Variants in PKD1L3 observed in about 807,000 individuals in gnomAD.
PKD1L3 encodes the protein polycystin 1 like 3, transient receptor potential channel interacting.
PKD1L3 carries 239 observed loss-of-function variants against 184.1 expected under a neutral mutation model. The observed-to-expected ratio is 1.30, with a 90% CI of 1.17 to 1.45. PKD1L3 has a LOEUF of 1.45. PKD1L3 is among the 40% of genes most tolerant of loss of function. The probability of loss-of-function intolerance (pLI) is 0.00; values close to 1 mark genes in which losing one functional copy is unlikely to be tolerated. For missense variants in PKD1L3, 2,660 were observed against 2,067.2 expected (o/e 1.29, Z -5.56); for synonymous variants, 996 against 778.8 (o/e 1.28, Z -4.64).
intron 23 of PKD1L3, among the ~76,000 whole-genome samples, chr16:71,943,291 C>A (rs1168110998): frequency 6.6e-6 from 1 of 152,048 alleles, no homozygotes; most frequent in Non-Finnish European, 1.5e-5. Context: ...AATCCTAGCA[C>A]TTTGGGAAGC....
chr16:71,949,572 C>T (rs1021751352), intron 21 of PKD1L3, among the ~76,000 whole-genome samples: 2 of 151,976 alleles, frequency 1.3e-5, no homozygotes, highest in East Asian at 1.9e-4. Flanking sequence ...AGGCTGGTCT[C>T]GAACACCTGG....
At position 71,998,254 on chromosome 16, in the gene PKD1L3, T is replaced by C. The variant is rs1253222991; in HGVS notation, c.418+18A>G. On this transcript the variant is annotated intron_variant, in intron 2 of 29. Transcript: ENST00000620267. ...TCTAAAATTTGGGTCTTTGGCAGCATGTAGCTTTATCACTTACCAGTCTGG... is the reference window on the plus strand; with the variant it reads ...TCTAAAATTTGGGTCTTTGGCAGCACGTAGCTTTATCACTTACCAGTCTGG... 2 of 1,551,458 alleles carry C rather than the reference T, an allele frequency of 1.3e-6. No individual in the cohort carries two copies. The highest frequency in any genetic ancestry group is 2.7e-5 in the African/African-American group (2 of 73,028).
At chr16:71,983,651 C>T (rs1024191489) in intron 6 of PKD1L3, among the ~76,000 whole-genome samples, 9 of 134,468 alleles carry the variant, frequency 6.7e-5, no homozygotes, top group African/African-American at 2.2e-4. Context: ...GCACAATCTC[C>T]AGATTCTCTT....
chr16:71,974,546 G>C (rs2039846320), intron 11 of PKD1L3, among the ~76,000 whole-genome samples: 2 of 152,126 alleles, frequency 1.3e-5, no homozygotes, highest in Non-Finnish European at 2.9e-5. Context: ...GCCAGGCATG[G>C]TGGCATATGC....
intron 24 of PKD1L3, among the ~76,000 whole-genome samples, chr16:71,941,189 T>C (rs2038348132): frequency 6.6e-6 from 1 of 151,904 alleles, no homozygotes; most frequent in Non-Finnish European, 1.5e-5. Context: ...TGCTGAAAAC[T>C]GTAGATCAAA....
chr16:71,996,484 T>A (rs1273542712), intron 2 of PKD1L3, among the ~76,000 whole-genome samples: 1 of 151,984 alleles, frequency 6.6e-6, no homozygotes, highest in East Asian at 1.9e-4. Context: ...ATGGTCTCAA[T>A]CTCTTTACCT....
intron 15 of PKD1L3, among the ~76,000 whole-genome samples, chr16:71,965,948 G>A (rs2039487108): frequency 6.6e-6 from 1 of 152,146 alleles, no homozygotes; most frequent in South Asian, 2.1e-4. Flanking sequence ...ATCTTTTCAA[G>A]TGCTTACTAT....
At chr16:71,971,015 A>T (rs967860361) in intron 12 of PKD1L3, among the ~76,000 whole-genome samples, 4 of 152,126 alleles carry the variant, frequency 2.6e-5, no homozygotes, top group African/African-American at 9.7e-5. Flanking sequence ...TCATGAGGCG[A>T]TTGTCTTGTT....
At position 71,990,338 on chromosome 16, in the gene PKD1L3, A is replaced by G; in HGVS notation, c.536-9T>C. 1 of 1,543,620 alleles carries G rather than the reference A, an allele frequency of 6.5e-7. No homozygotes were observed. Among genetic ancestry groups the G allele is most frequent in the Non-Finnish European group, 8.8e-7 (1 of 1,140,800 alleles). On this transcript the variant is annotated splice_polypyrimidine_tract_variant and intron_variant, in intron 3 of 29. Coordinates refer to ENST00000620267, the MANE Select transcript of PKD1L3 (RefSeq NM_181536.2). The stretch of plus-strand genomic sequence containing the variant: ...TGGAAGATGACCAGGTCCTATAGAA[A>G]AAAGAAAGCAGACTAAGTTCAAGTA...
At chr16:71,948,683 A>C (rs11861316) in intron 21 of PKD1L3, among the ~76,000 whole-genome samples, 7,271 of 152,016 alleles carry the variant, frequency 0.048, 554 homozygotes, top group African/African-American at 0.17. Context: ...TGCCATTATT[A>C]AAACAAAAAT....
At chr16:71,984,544 G>T (rs185124529) in intron 5 of PKD1L3, among the ~76,000 whole-genome samples, 1 of 152,294 alleles carries the variant, frequency 6.6e-6, no homozygotes, top group Admixed American at 6.5e-5. Flanking sequence ...TTCCCTGTGT[G>T]TGTGTTTCCC....
chr16:71,980,163 T>C, intron 7 of PKD1L3, 29 bp from the exon 8 acceptor site: 2 of 1,547,318 alleles, frequency 1.3e-6, no homozygotes, highest in South Asian at 1.2e-5. Flanking sequence ...AGTGTGTGAC[T>C]TGTAAAACCT....
chr16:71,947,260 A>C, intron 22 of PKD1L3, among the ~76,000 whole-genome samples: 1 of 152,194 alleles, frequency 6.6e-6, no homozygotes, highest in Non-Finnish European at 1.5e-5. Flanking sequence ...TCCGTCTCAA[A>C]AAAATAAAAT....
At position 71,942,857 on chromosome 16, in the gene PKD1L3, G is replaced by C; in HGVS notation, c.4027C>G (p.Leu1343Val). The change falls in exon 24 of 30, where the codon CTG becomes GTG. Residue 1343 changes from leucine to valine, a missense_variant. Leu to Val is a conservative substitution (Grantham distance 32). Coordinates refer to ENST00000620267, the MANE Select transcript of PKD1L3 (RefSeq NM_181536.2). Reference protein sequence around the residue: ...PWANHILLPSLYGDYRGKNAV... With the variant: ...PWANHILLPSVYGDYRGKNAV... ...TTCTTACCTCTGTAATCCCCATACA[G>C]GCTAGGAAGAAGGATATGATTGGCC... 1 of 1,551,642 alleles carries C rather than the reference G, an allele frequency of 6.4e-7. No homozygotes were observed.
At chr16:71,958,596 C>T (rs2039141331) in intron 16 of PKD1L3, among the ~76,000 whole-genome samples, 1 of 150,922 alleles carries the variant, frequency 6.6e-6, no homozygotes, top group Non-Finnish European at 1.5e-5. Flanking sequence ...GCCTGGCCAA[C>T]ATGGTGAAAC....
chr16:71,965,253 T>C (rs1481751013), intron 15 of PKD1L3, among the ~76,000 whole-genome samples: 1 of 152,270 alleles, frequency 6.6e-6, no homozygotes, highest in African/African-American at 2.4e-5. Context: ...AGTATTACAT[T>C]GAATCAATAC....
intron 9 of PKD1L3, 99 bp downstream of exon 9, chr16:71,979,687 C>T (rs1261984176): frequency 1.5e-6 from 2 of 1,358,600 alleles, no homozygotes; most frequent in Non-Finnish European, 1.9e-6. Flanking sequence ...CTGATCTGGT[C>T]TGTTCAGTTT....
At chr16:71,968,732 A>T (rs1442240453) in intron 13 of PKD1L3, among the ~76,000 whole-genome samples, 1 of 151,480 alleles carries the variant, frequency 6.6e-6, no homozygotes, top group Non-Finnish European at 1.5e-5. Context: ...AGTAGTTGGG[A>T]CTACAGACAT....
chr16:71,934,802 G>C (rs906547238), intron 26 of PKD1L3, among the ~76,000 whole-genome samples: 8 of 152,164 alleles, frequency 5.3e-5, no homozygotes, highest in African/African-American at 1.9e-4. Context: ...AAGTTACACA[G>C]ATCACCACCC....
Sources: gnomAD v4.1 joint callset for allele counts (sites outside exome capture counted in the v4.1 genomes callset) on GRCh38, gnomAD v4.1.1 for gene constraint, MANE v1.5 for transcripts, NCBI Gene and HGNC (gene_info 2026-07-23, HGNC 2026-07-21) for gene names.